Variants in DOCK7 observed in about 807,000 individuals in gnomAD.
DOCK7 encodes dedicator of cytokinesis protein 7.
A neutral mutation model predicts 271.0 loss-of-function variants in DOCK7; 138 were observed. The ratio of observed to expected loss-of-function variants is 0.51; its 90% confidence interval spans 0.44 to 0.59. DOCK7 has a LOEUF of 0.59. Ranked by LOEUF, DOCK7 falls within the 20% of genes least tolerant of loss-of-function variation. DOCK7 has a pLI of 0.00. For synonymous variants in DOCK7, 823 were observed against 876.1 expected, an observed-to-expected ratio of 0.94 and a Z score of 1.07; for missense variants, 2,066 against 2,592.4, an observed-to-expected ratio of 0.80 and a Z score of 4.41.
chr1:62,579,437 T>TA (rs1305149615), intron 16 of DOCK7, among the ~76,000 whole-genome samples: 1 of 152,032 alleles, frequency 6.6e-6, no homozygotes, highest in Admixed American at 6.5e-5. Context: ...AATATCAAAA[T>TA]ATCACATTGG....
intron 9 of DOCK7, chr1:62,634,351 G>T (rs1190345354): frequency 6.7e-6 from 1 of 148,750 alleles, no homozygotes; most frequent in African/African-American, 2.5e-5. Flanking sequence ...TAAGCTTAAT[G>T]CAATCCTTAT....
At position 62,455,380 on chromosome 1, in the gene DOCK7, C is replaced by G. The variant is rs944929053; in HGVS notation, c.*34G>C. 2 of 1,608,462 alleles carry G rather than the reference C, an allele frequency of 1.2e-6. No homozygotes were observed. The highest frequency in any genetic ancestry group is 1.7e-6 in the Non-Finnish European group (2 of 1,175,390). ...TTCACACTCGATGTTGAATACATGG[C>G]TCTTTGCAGATGAATAAAACAAGTG... On this transcript the variant is annotated 3_prime_UTR_variant, in exon 50 of 50. Transcript: ENST00000635253.
chr1:62,466,983 A>G (rs1402736859), intron 48 of DOCK7, among the ~76,000 whole-genome samples: 2 of 152,180 alleles, frequency 1.3e-5, no homozygotes, highest in Non-Finnish European at 2.9e-5. Flanking sequence ...GAACAACAAA[A>G]TACATTCCTA....
At chr1:62,555,752 A>G (rs1473737241) in intron 21 of DOCK7, 73 bp downstream of exon 21, 2 of 1,502,918 alleles carry the variant, frequency 1.3e-6, no homozygotes, top group Non-Finnish European at 1.8e-6. Flanking sequence ...AGTATGGACT[A>G]CAAAATTATC....
intron 35 of DOCK7, among the ~76,000 whole-genome samples, chr1:62,506,965 T>TA (rs760253034): frequency 2.7e-5 from 4 of 150,042 alleles, no homozygotes; most frequent in Admixed American, 6.7e-5. Context: ...AATAAATAAA[T>TA]AAATAAATAA....
At chr1:62,621,804 A>G (rs1653275666) in intron 12 of DOCK7, among the ~76,000 whole-genome samples, 2 of 152,238 alleles carry the variant, frequency 1.3e-5, no homozygotes, top group Admixed American at 6.5e-5. Context: ...GCATACAGAA[A>G]TAATATAAAT....
intron 14 of DOCK7, chr1:62,604,488 CTT>C (rs1650652735): frequency 2.1e-6 from 2 of 961,500 alleles, no homozygotes; most frequent in Non-Finnish European, 3.1e-6. Context: ...AAAATTGGGA[CTT>C]ATACAGATTA....
At chr1:62,617,700 T>A (rs75463837) in intron 14 of DOCK7, among the ~76,000 whole-genome samples, 3,574 of 152,140 alleles carry the variant, frequency 0.023, 142 homozygotes, top group African/African-American at 0.081. Flanking sequence ...TTCAATGACA[T>A]ATATGATTAA....
rs141603759 is a variant in DOCK7 at position 62,552,849 on chromosome 1, C to T, written c.2649G>A (p.Ala883=). Residue 883 remains alanine, a synonymous_variant, in exon 22 of 50, where the codon GCG becomes GCA. Transcript: ENST00000635253. Reference sequence around the variant, plus strand: ...TTAAATTAAGGCTTGCAGGTCTCACCGCAGATCTAGCCATTGTGGCATAAT... The same window carrying T: ...TTAAATTAAGGCTTGCAGGTCTCACTGCAGATCTAGCCATTGTGGCATAAT... The part of the protein sequence containing the change: ...SVHYATMARS[A]VRPASLNLNR... The T allele has an allele frequency of 2.2e-5, 35 of 1,613,426 alleles. No homozygotes were observed. The East Asian group carries it at 4.5e-4, about 21-fold the overall frequency.
At chr1:62,628,776 C>G (rs1268434829) in intron 11 of DOCK7, 1 of 152,116 alleles carries the variant, frequency 6.6e-6, no homozygotes, top group Admixed American at 6.5e-5. Flanking sequence ...AGAAAATTTG[C>G]TATCATATAT....
chr1:62,620,043 G>C (rs1196923413), intron 12 of DOCK7, 50 bp from the exon 13 acceptor site: 1 of 1,433,662 alleles, frequency 7.0e-7, no homozygotes, highest in African/African-American at 1.4e-5. Flanking sequence ...AATATAGCCA[G>C]GCACAGTGGC....
intron 40 of DOCK7, among the ~76,000 whole-genome samples, chr1:62,493,365 G>T (rs1425217234): frequency 6.6e-6 from 1 of 152,110 alleles, no homozygotes; most frequent in African/African-American, 2.4e-5. Context: ...ATTTACAGTA[G>T]ATGTACACTC....
intron 13 of DOCK7, 64 bp from the exon 14 acceptor site, chr1:62,618,932 T>C (rs1652797775): frequency 2.0e-6 from 3 of 1,465,100 alleles, no homozygotes; most frequent in Non-Finnish European, 2.8e-6. Flanking sequence ...AACATGTTTT[T>C]TAAAGGACTT....
intron 43 of DOCK7, chr1:62,483,188 T>TGTTTTG (rs1646183256): frequency 1.8e-5 from 1 of 55,566 alleles, no homozygotes; most frequent in Non-Finnish European, 3.8e-5. Flanking sequence ...TTTTTTTTTT[T>TGTTTTG]TTTTTTTTTT....
intron 1 of DOCK7, among the ~76,000 whole-genome samples, chr1:62,678,982 C>G (rs34427822): frequency 0.038 from 5,725 of 152,128 alleles, 145 homozygotes; most frequent in Non-Finnish European, 0.057. Context: ...ATGCCTGTAT[C>G]AAAATATCTT....
At chr1:62,502,582 G>A (rs2149316418) in intron 37 of DOCK7, among the ~76,000 whole-genome samples, 1 of 152,246 alleles carries the variant, frequency 6.6e-6, no homozygotes, top group East Asian at 1.9e-4. Context: ...CACTCCCTTG[G>A]TGGTAATTAC....
intron 37 of DOCK7, among the ~76,000 whole-genome samples, chr1:62,500,942 T>C (rs1646764125): frequency 6.6e-6 from 1 of 151,938 alleles, no homozygotes; most frequent in Non-Finnish European, 1.5e-5. Context: ...GTGGACAAGG[T>C]GGGAGAACAG....
At chr1:62,665,974 T>A (rs1659270660) in intron 1 of DOCK7, among the ~76,000 whole-genome samples, 1 of 151,598 alleles carries the variant, frequency 6.6e-6, no homozygotes, top group Admixed American at 6.6e-5. Flanking sequence ...CCATCCTGGC[T>A]AACATGGTGA....
At chr1:62,557,112 C>G (rs1287163896) in intron 20 of DOCK7, among the ~76,000 whole-genome samples, 1 of 146,124 alleles carries the variant, frequency 6.8e-6, no homozygotes, top group Non-Finnish European at 1.5e-5. Context: ...GTTGACCAGG[C>G]TGGTCTGGAA....
Sources: gnomAD v4.1 joint callset for allele counts (sites outside exome capture counted in the v4.1 genomes callset) on GRCh38, gnomAD v4.1.1 for gene constraint, MANE v1.5 for transcripts, NCBI Gene and HGNC (gene_info 2026-07-23, HGNC 2026-07-21) for gene names.